Variants in IQGAP3 observed in about 807,000 individuals in gnomAD.
The protein encoded by IQGAP3 is IQ motif containing GTPase activating protein 3, also known as ras GTPase-activating-like protein IQGAP3.
In IQGAP3, 165 loss-of-function variants were observed where a neutral mutation model predicts 208.2. That is an observed-to-expected ratio of 0.79 (90% CI 0.70 to 0.90). The LOEUF is 0.90. IQGAP3 is among the 40% of genes least tolerant of loss of function. IQGAP3 has a pLI of 0.00. For missense variants in IQGAP3, 1,811 were observed against 2,043.1 expected (o/e 0.89, Z 2.19); for synonymous variants, 703 against 803.6 (o/e 0.87, Z 2.12).
Position 156,530,209 on chromosome 1 carries a change from CCAGTGGCAGGAGGGAGTGAGCTGT to C in IQGAP3, c.4276_4299del (p.Thr1426_Leu1433del), listed in dbSNP as rs751917329. On this transcript the variant is annotated inframe_deletion, in exon 34 of 38. Coordinates refer to ENST00000361170, the MANE Select transcript of IQGAP3 (RefSeq NM_178229.5). ...CGCAGGACGCGCCGCTGCTTCTCTG[CCAGTGGCAGGAGGGAGTGAGCTGT>C]CAGTGAGCGGTGTCGTCGCAGTGGC... is the stretch of plus-strand genomic sequence containing the variant. 5.6e-6 allele frequency: 9 copies of C among 1,613,364 alleles called. No individual in the cohort carries two copies. Among genetic ancestry groups the C allele is most frequent in the Non-Finnish European group, 7.6e-6 (9 of 1,179,900 alleles).
In IQGAP3 at chr1:156,554,322, A is replaced by G; in HGVS notation, c.1361T>C (p.Leu454Pro). The change falls in exon 13 of 38, where the codon CTG becomes CCG. Residue 454 changes from leucine (L) to proline (P), a missense_variant. Physicochemically the swap from Leu to Pro is moderately conservative, Grantham distance 98 (BLOSUM62 -3). Coordinates refer to ENST00000361170, the MANE Select transcript of IQGAP3 (RefSeq NM_178229.5). Reference protein sequence around the residue: ...LSAVVLINRALEARDASGFWS... With the variant: ...LSAVVLINRAPEARDASGFWS... ...GAAGCCACTGGCATCCCGGGCCTCC[A>G]GGGCCCGGTTAATCAGGACCACAGC... The G allele has an allele frequency of 6.2e-7, 1 of 1,608,288 alleles. No homozygotes were observed. Among genetic ancestry groups the G allele is most frequent in the African/African-American group, 1.3e-5 (1 of 74,876 alleles).
intron 19 of IQGAP3, 54 bp downstream of exon 19, chr1:156,548,010 GTGGATACCC>G (rs1675345194): frequency 6.9e-7 from 1 of 1,446,242 alleles, no homozygotes; most frequent in South Asian, 1.3e-5. Flanking sequence ...AGGAAGCAGC[GTGGATACCC>G]TGGAGCCCAG....
In IQGAP3 at chr1:156,548,571, G is replaced by A. The variant is rs749120693; in HGVS notation, c.1993+10C>T. 2.4e-5 allele frequency: 39 copies of A among 1,598,656 alleles called. No homozygotes were observed. In the East Asian group the frequency reaches 6.1e-4, roughly 25 times the overall value. On this transcript the variant is annotated intron_variant, in intron 17 of 37. Transcript: ENST00000361170. ...GGCAGCGAAGAGGAGGGTCAGGTTG[G>A]GGCCATTACCTGGACGCTGTTTCTT...
chr1:156,569,526 G>GTAT, intron 1 of IQGAP3, 63 bp from the exon 2 acceptor site: 14 of 376,360 alleles, frequency 3.7e-5, no homozygotes, highest in Middle Eastern at 6.0e-4. Context: ...GCACTGAAGG[G>GTAT]TCTTTTTTTT....
chr1:156,534,503 G>A lies in IQGAP3; in HGVS notation c.3738C>T (p.Phe1246=). The A allele has an allele frequency of 6.4e-7, 1 of 1,563,318 alleles. No individual in the cohort carries two copies. Among genetic ancestry groups the A allele is most frequent in the East Asian group, 2.3e-5 (1 of 44,314 alleles). ...NDYLEETHLK[F]RKFIHRACQV... Reference sequence around the variant, plus strand: ...CAGAGAGGAAAGGGACCCAAGACCTGAACTTGAGGTGTGTTTCCTCCAGAT... The same window carrying A: ...CAGAGAGGAAAGGGACCCAAGACCTAAACTTGAGGTGTGTTTCCTCCAGAT... The change falls in exon 29 of 38, where the codon TTC becomes TTT. Residue 1246 remains phenylalanine (F), a splice_region_variant and synonymous_variant. Coordinates refer to ENST00000361170, the MANE Select transcript of IQGAP3 (RefSeq NM_178229.5).
At chr1:156,534,187 C>T in intron 29 of IQGAP3, 46 bp from the exon 30 acceptor site, 2 of 1,607,772 alleles carry the variant, frequency 1.2e-6, no homozygotes, top group South Asian at 1.1e-5. Context: ...GGCCAGCACC[C>T]CACACATCTT....
chr1:156,567,614 T>C (rs1676466561), intron 2 of IQGAP3, among the ~76,000 whole-genome samples: 2 of 152,228 alleles, frequency 1.3e-5, no homozygotes, highest in South Asian at 4.1e-4. Context: ...TGGGGTCTAA[T>C]TGGAAAGTAT....
chr1:156,539,092 C>T, intron 25 of IQGAP3, 59 bp from the exon 26 acceptor site: 1 of 1,482,620 alleles, frequency 6.7e-7, no homozygotes, highest in Non-Finnish European at 9.3e-7. Flanking sequence ...CATACCGTTG[C>T]TTTTCCTTTT....
At chr1:156,572,308 C>G (rs1259556989) in intron 1 of IQGAP3, among the ~76,000 whole-genome samples, 185 bp downstream of exon 1, 1 of 152,242 alleles carries the variant, frequency 6.6e-6, no homozygotes, top group Non-Finnish European at 1.5e-5. Flanking sequence ...GGGGACAATG[C>G]GCCGCTCACA....
intron 15 of IQGAP3, 30 bp from the exon 16 acceptor site, chr1:156,550,381 T>G: frequency 6.4e-7 from 1 of 1,572,332 alleles, no homozygotes; most frequent in Non-Finnish European, 8.7e-7. Context: ...AAAAAAGATG[T>G]GACCCCAAGC....
chr1:156,531,994 C>T (rs751886355), intron 32 of IQGAP3, among the ~76,000 whole-genome samples: 1 of 152,186 alleles, frequency 6.6e-6, no homozygotes, highest in Non-Finnish European at 1.5e-5. Context: ...CTCTTCTGCC[C>T]AGATGACCAG....
chr1:156,540,687 G>C (rs1463518811), intron 23 of IQGAP3, 21 bp downstream of exon 23: 8 of 1,596,722 alleles, frequency 5.0e-6, no homozygotes, highest in African/African-American at 1.3e-5. Context: ...TCGGGGAGGG[G>C]AGGACTGGTG....
chr1:156,525,537 G>C lies in IQGAP3; in HGVS notation c.*949C>G, dbSNP rs1222290736. The C allele has an allele frequency of 2.0e-5, 3 of 152,540 alleles. No homozygotes were observed. The highest frequency in any genetic ancestry group is 4.8e-5 in the African/African-American group (2 of 41,410). The allele number at this position is 152,540 out of a possible 1,614,324, so 9.4% of individuals were successfully genotyped here. A position where few individuals can be genotyped will look rare whatever the true frequency, so the allele number is the denominator to read the frequency against. Reference sequence around the variant, plus strand: ...TGGAAATTGCCTGGAAGAGTCAGCTGTAAGGGATGAGAATCCTGAGGGTAA... The same window carrying C: ...TGGAAATTGCCTGGAAGAGTCAGCTCTAAGGGATGAGAATCCTGAGGGTAA... On this transcript the variant is annotated 3_prime_UTR_variant, in exon 38 of 38. Coordinates refer to ENST00000361170, the MANE Select transcript of IQGAP3 (RefSeq NM_178229.5).
chr1:156,569,805 C>T (rs34914627), intron 1 of IQGAP3, among the ~76,000 whole-genome samples: 89,503 of 148,842 alleles, frequency 0.6, 27,954 homozygotes, highest in Non-Finnish European at 0.7. Flanking sequence ...AGGCTTGAGC[C>T]GCCACCATGC....
intron 11 of IQGAP3, among the ~76,000 whole-genome samples, chr1:156,559,830 A>G (rs1177377340): frequency 6.6e-6 from 1 of 152,252 alleles, no homozygotes; most frequent in East Asian, 1.9e-4. Flanking sequence ...ACAAGGAGAT[A>G]GGACTAAAGT....
At chr1:156,568,926 T>G (rs1398259420) in intron 2 of IQGAP3, among the ~76,000 whole-genome samples, 1 of 152,020 alleles carries the variant, frequency 6.6e-6, no homozygotes, top group Non-Finnish European at 1.5e-5. Context: ...CTTCAGCAAG[T>G]CAATAAGATA....
chr1:156,533,996 C>G lies in IQGAP3; in HGVS notation c.3873+13G>C. On this transcript the variant is annotated intron_variant, in intron 30 of 37. Transcript: ENST00000361170. ...CCCACCCAGCCAACACCCTCCAGAT[C>G]TCAGCCCCTCACCCTGTGCGTGTTG... is the stretch of plus-strand genomic sequence containing the variant. 1 of 1,613,456 alleles carries G rather than the reference C, an allele frequency of 6.2e-7. No individual in the cohort carries two copies. The highest frequency in any genetic ancestry group is 8.5e-7 in the Non-Finnish European group (1 of 1,179,884).
In IQGAP3 at chr1:156,556,532, C is replaced by A; in HGVS notation, c.1290+1G>T. ...GCTAGACCCACATTTCTGGGGCTTA[C>A]CCCCTGCTGCTGCTGGAGCACTGCC... is the stretch of plus-strand genomic sequence containing the variant. On this transcript the variant is annotated splice_donor_variant, in intron 12 of 37. Transcript: ENST00000361170. LOFTEE classifies it high-confidence loss of function. 3.7e-6 allele frequency: 6 copies of A among 1,614,042 alleles called. No homozygotes were observed. Among genetic ancestry groups the A allele is most frequent in the Non-Finnish European group, 5.1e-6 (6 of 1,179,972 alleles).
chr1:156,548,296 C>A, intron 18 of IQGAP3, 52 bp downstream of exon 18: 1 of 1,608,540 alleles, frequency 6.2e-7, no homozygotes, highest in South Asian at 1.1e-5. Context: ...GGAGCCTCTT[C>A]TTCAGGACAT....
Sources: allele counts gnomAD v4.1 joint callset (sites outside exome capture counted in the v4.1 genomes callset), GRCh38; gene constraint gnomAD v4.1.1; transcripts MANE v1.5; gene names NCBI Gene and HGNC (gene_info 2026-07-23, HGNC 2026-07-21).